AADAT: variants seen among roughly 807,000 people sequenced by gnomAD.
The protein encoded by AADAT is aminoadipate aminotransferase.
In AADAT, 25 loss-of-function variants were observed where a neutral mutation model predicts 56.2. The ratio of observed to expected loss-of-function variants is 0.44; its 90% CI spans 0.32 to 0.62. The LOEUF is 0.62. Ranked by LOEUF, AADAT falls within the 20% of genes least tolerant of loss-of-function variation. The pLI is 0.04. For synonymous variants in AADAT, 173 were observed against 164.7 expected (o/e 1.05, Z -0.39); for missense variants, 387 against 510.5 (o/e 0.76, Z 2.33).
chr4:170,078,688 G>C, intron 3 of AADAT, 105 bp from the exon 4 acceptor site: 1 of 663,932 alleles, frequency 1.5e-6, no homozygotes, highest in South Asian at 2.7e-5. Context: ...TCTAGAGTAA[G>C]AATTAGCAAA....
chr4:170,068,225 C>T (rs923370836), intron 8 of AADAT, among the ~76,000 whole-genome samples: 6 of 151,474 alleles, frequency 4.0e-5, no homozygotes, highest in Non-Finnish European at 8.8e-5. Context: ...GAAAAAAAGT[C>T]TCCAACTTGG....
In AADAT at chr4:170,060,847, T is replaced by G. The variant is rs1419565156; in HGVS notation, c.*81A>C. ...TTACTGCAGCCTTGAATTCCTGGGT[T>G]CAAGTGATCCTCCCTCCTCTGCCTC... On this transcript the variant is annotated 3_prime_UTR_variant, in exon 13 of 13. Transcript: ENST00000337664. 57 of 1,225,664 alleles carry G rather than the reference T, an allele frequency of 4.7e-5. No homozygotes were observed. In the East Asian group the frequency reaches 1.5e-3, roughly 32 times the overall value. The allele number at this position is 1,225,664 out of a possible 1,614,324, so 75.9% of individuals were successfully genotyped here.
intron 9 of AADAT, 21 bp downstream of exon 9, chr4:170,067,306 T>C (rs749936781): frequency 1.3e-6 from 2 of 1,596,240 alleles, no homozygotes; most frequent in Non-Finnish European, 1.7e-6. Flanking sequence ...TTCATAAATA[T>C]TTAAAGAAAT....
chr4:170,092,194 G>T (rs1005798221), upstream of AADAT, among the ~76,000 whole-genome samples: 1 of 152,268 alleles, frequency 6.6e-6, no homozygotes, highest in African/African-American at 2.4e-5. Flanking sequence ...TTTGCAGCGT[G>T]TGGTGGTTTT....
chr4:170,064,930 T>A, intron 10 of AADAT, 105 bp from the exon 11 acceptor site: 1 of 938,070 alleles, frequency 1.1e-6, no homozygotes, highest in Non-Finnish European at 1.6e-6. Context: ...AAACTAGTAT[T>A]CCTAAAAAAG....
At chr4:170,084,127 C>T (rs939664741) in intron 3 of AADAT, among the ~76,000 whole-genome samples, 1 of 151,990 alleles carries the variant, frequency 6.6e-6, no homozygotes, top group Non-Finnish European at 1.5e-5. Context: ...GTGAAATAAG[C>T]CAAGTATAGA....
intron 11 of AADAT, among the ~76,000 whole-genome samples, chr4:170,062,728 G>C (rs1731255151): frequency 6.6e-6 from 1 of 152,112 alleles, no homozygotes; most frequent in Non-Finnish European, 1.5e-5. Context: ...CTAATCAATG[G>C]ATGTGAGTAG....
chr4:170,082,163 T>C (rs553544837), intron 3 of AADAT, among the ~76,000 whole-genome samples: 191 of 152,322 alleles, frequency 1.3e-3, no homozygotes, highest in African/African-American at 4.6e-3. Context: ...ATAATTCTCA[T>C]ATGAAGCCTA....
At chr4:170,081,502 C>A (rs906859685) in intron 3 of AADAT, among the ~76,000 whole-genome samples, 4 of 151,978 alleles carry the variant, frequency 2.6e-5, no homozygotes, top group African/African-American at 7.2e-5. Context: ...TACCTCAAGG[C>A]ATATAAGAAT....
At chr4:170,062,729 A>C (rs1022151085) in intron 11 of AADAT, among the ~76,000 whole-genome samples, 32 of 152,090 alleles carry the variant, frequency 2.1e-4, no homozygotes, top group Admixed American at 2.1e-3. Context: ...TAATCAATGG[A>C]TGTGAGTAGA....
upstream of AADAT, chr4:170,090,365 C>CA (rs1473800756): frequency 3.3e-5 from 5 of 152,496 alleles, no homozygotes; most frequent in Admixed American, 1.3e-4. Flanking sequence ...GGCCTCCTCT[C>CA]AGTCACTGGG....
At chr4:170,081,477 C>T (rs1429521863) in intron 3 of AADAT, among the ~76,000 whole-genome samples, 1 of 152,064 alleles carries the variant, frequency 6.6e-6, no homozygotes, top group Non-Finnish European at 1.5e-5. Context: ...CAAACAGATT[C>T]AATCCAAATA....
At chr4:170,075,661 T>C (rs181719653) in intron 4 of AADAT, among the ~76,000 whole-genome samples, 293 of 152,328 alleles carry the variant, frequency 1.9e-3, no homozygotes, top group Non-Finnish European at 3.6e-3. Context: ...ACATTCACAA[T>C]GTGTGCATCC....
chr4:170,065,002 G>C (rs1462316419), intron 10 of AADAT, among the ~76,000 whole-genome samples, 177 bp from the exon 11 acceptor site: 1 of 152,080 alleles, frequency 6.6e-6, no homozygotes, highest in Non-Finnish European at 1.5e-5. Context: ...TGATGTTCTG[G>C]GTTTTATTTC....
intron 11 of AADAT, among the ~76,000 whole-genome samples, chr4:170,062,827 A>T (rs1254884391): frequency 6.6e-6 from 1 of 152,184 alleles, no homozygotes; most frequent in Non-Finnish European, 1.5e-5. Context: ...GCCATCTTGG[A>T]ATCTGTGTGT....
intron 12 of AADAT, 27 bp from the exon 13 acceptor site, chr4:170,060,996 T>A: frequency 7.1e-7 from 1 of 1,410,376 alleles, no homozygotes; most frequent in Non-Finnish European, 9.6e-7. Context: ...AAATTAGAAT[T>A]AATTAAATTA....
In AADAT at chr4:170,071,609, G is replaced by T. The variant is rs6854291; in HGVS notation, c.655-957C>A. Among the ~76,000 whole-genome samples the T allele has an allele frequency of 3.5e-4, 53 of 152,256 alleles. 1 individual carries two copies. In the East Asian group the frequency reaches 3.7e-3, roughly 11 times the overall value. On this transcript the variant is annotated intron_variant, in intron 5 of 12. Transcript: ENST00000337664. ...CGGAGGGCTGTAAACAGGAGAACCCGGAGCCGGGCTTTATACTGACATTTC... is the reference window on the plus strand; with the variant it reads ...CGGAGGGCTGTAAACAGGAGAACCCTGAGCCGGGCTTTATACTGACATTTC...
At position 170,060,882 on chromosome 4, in the gene AADAT, T is replaced by G; in HGVS notation, c.*46A>C. The G allele has an allele frequency of 6.8e-7, 1 of 1,477,626 alleles. No individual in the cohort carries two copies. Among genetic ancestry groups the G allele is most frequent in the Non-Finnish European group, 9.1e-7 (1 of 1,102,398 alleles). 91.5% of individuals were successfully genotyped at this position (1,477,626 alleles called of 1,614,324 possible). A position where few individuals can be genotyped will look rare whatever the true frequency, so the allele number is the denominator to read the frequency against. ...CTCCCTCCTCTGCCTCCCAAAGTGC[T>G]GGGATTATAGGTGTGAGCCACCATG... is the stretch of plus-strand genomic sequence containing the variant. On this transcript the variant is annotated 3_prime_UTR_variant, in exon 13 of 13. Transcript: ENST00000337664.
chr4:170,062,055 T>C, intron 11 of AADAT, 62 bp from the exon 12 acceptor site: 1 of 1,138,874 alleles, frequency 8.8e-7, no homozygotes, highest in Non-Finnish European at 1.3e-6. Context: ...GATAATATAG[T>C]TAAGCCTAAT....
Sources: allele counts gnomAD v4.1 joint callset (sites outside exome capture counted in the v4.1 genomes callset), GRCh38; gene constraint gnomAD v4.1.1; transcripts MANE v1.5; gene names NCBI Gene and HGNC (gene_info 2026-07-23, HGNC 2026-07-21).